The following SCFD2 variants were observed in gnomAD, a reference collection of about 807,000 sequenced individuals.
The protein encoded by SCFD2 is sec1 family domain-containing protein 2.
Under a neutral mutation model 58.9 loss-of-function variants are expected in SCFD2, and 54 were observed. That is an observed-to-expected ratio of 0.92 (90% CI 0.74 to 1.15). SCFD2 has a LOEUF of 1.15. SCFD2 is among the 50% of genes most tolerant of loss of function. The pLI, the probability that SCFD2 is intolerant of heterozygous loss-of-function variation, is 0.00. For synonymous variants in SCFD2, 321 were observed against 335.9 expected, an observed-to-expected ratio of 0.96 and a Z score of 0.49; for missense variants, 805 against 836.6, an observed-to-expected ratio of 0.96 and a Z score of 0.47.
intron 4 of SCFD2, among the ~76,000 whole-genome samples, chr4:53,224,368 A>C (rs1235686293): frequency 1.4e-5 from 2 of 147,030 alleles, no homozygotes; most frequent in African/African-American, 5.1e-5. Context: ...CAGCCTGGGC[A>C]ACAGAGCAAG....
intron 3 of SCFD2, among the ~76,000 whole-genome samples, chr4:53,294,701 T>C (rs991367702): frequency 7.2e-5 from 11 of 152,224 alleles, no homozygotes; most frequent in African/African-American, 2.7e-4. Context: ...GTTTTAGACA[T>C]GAAGTCTTTG....
chr4:52,975,930 A>T (rs1247447999), intron 5 of SCFD2, among the ~76,000 whole-genome samples: 1 of 150,156 alleles, frequency 6.7e-6, no homozygotes, highest in Non-Finnish European at 1.5e-5. Flanking sequence ...AGGACAAAAA[A>T]CCAAACACCA....
Position 53,258,912 on chromosome 4 carries a change from C to A in SCFD2, c.1311+14914G>T, listed in dbSNP as rs546050881. ...CTATTTTTTTATTTTTTTATTATGG[C>A]CATTCTTGCAGGAGTAAGATGGTAT... On this transcript the variant is annotated intron_variant, in intron 4 of 8. Coordinates refer to ENST00000401642, the MANE Select transcript of SCFD2 (RefSeq NM_152540.4). Among the ~76,000 whole-genome samples the A allele has an allele frequency of 1.9e-3, 286 of 152,128 alleles. 1 individual carries two copies. The highest frequency in any genetic ancestry group is 3.4e-3 in the Middle Eastern group (1 of 294).
chr4:52,978,312 G>T (rs886074674), intron 5 of SCFD2, among the ~76,000 whole-genome samples: 6 of 152,086 alleles, frequency 3.9e-5, no homozygotes, highest in Non-Finnish European at 8.8e-5. Flanking sequence ...CAGGATGCTG[G>T]CCCTGTTCTC....
intron 5 of SCFD2, among the ~76,000 whole-genome samples, chr4:52,978,566 T>C (rs1449161653): frequency 1.3e-5 from 2 of 152,188 alleles, no homozygotes; most frequent in African/African-American, 4.8e-5. Flanking sequence ...TATAAAATAA[T>C]ACAGATGGTT....
At chr4:52,899,768 C>T (rs975018351) in intron 7 of SCFD2, among the ~76,000 whole-genome samples, 33 of 152,186 alleles carry the variant, frequency 2.2e-4, no homozygotes, top group Non-Finnish European at 3.8e-4. Flanking sequence ...TCCATTCTTC[C>T]CGTCACTTTC....
chr4:53,248,464 G>A (rs1730201421), intron 4 of SCFD2, among the ~76,000 whole-genome samples: 1 of 152,212 alleles, frequency 6.6e-6, no homozygotes, highest in Non-Finnish European at 1.5e-5. Context: ...TCCACCTCTA[G>A]GGGCAGGGCA....
At chr4:53,199,477 A>G (rs1015446971) in intron 4 of SCFD2, among the ~76,000 whole-genome samples, 1 of 152,082 alleles carries the variant, frequency 6.6e-6, no homozygotes, top group Admixed American at 6.6e-5. Flanking sequence ...CTGAGTGATA[A>G]GAGTATCATT....
chr4:52,967,460 T>C (rs532686320), intron 5 of SCFD2, among the ~76,000 whole-genome samples: 1 of 152,220 alleles, frequency 6.6e-6, no homozygotes, highest in Non-Finnish European at 1.5e-5. Flanking sequence ...CCCCATGAAG[T>C]AGGTACTAAT....
At chr4:53,233,776 C>A (rs1729511338) in intron 4 of SCFD2, among the ~76,000 whole-genome samples, 1 of 152,048 alleles carries the variant, frequency 6.6e-6, no homozygotes, top group African/African-American at 2.4e-5. Context: ...GGGAGAAGAA[C>A]TACATTAAAA....
intron 4 of SCFD2, among the ~76,000 whole-genome samples, chr4:53,183,198 C>G (rs1266083934): frequency 6.6e-6 from 1 of 152,134 alleles, no homozygotes; most frequent in Non-Finnish European, 1.5e-5. Flanking sequence ...AAGACACACG[C>G]ACACGTATGT....
At chr4:53,174,795 TA>T (rs907052853) in intron 4 of SCFD2, among the ~76,000 whole-genome samples, 1 of 152,168 alleles carries the variant, frequency 6.6e-6, no homozygotes, top group Non-Finnish European at 1.5e-5. Flanking sequence ...TATGAAGCAG[TA>T]AGTCTTCATA....
At chr4:53,206,479 T>C (rs1461993027) in intron 4 of SCFD2, among the ~76,000 whole-genome samples, 4 of 152,078 alleles carry the variant, frequency 2.6e-5, no homozygotes, top group Middle Eastern at 6.3e-3. Flanking sequence ...GAAAGAACTA[T>C]GACTGTTTAC....
chr4:52,933,658 A>T (rs1720056662), intron 5 of SCFD2, among the ~76,000 whole-genome samples: 2 of 152,190 alleles, frequency 1.3e-5, no homozygotes, highest in African/African-American at 4.8e-5. Context: ...TGCACTGGAC[A>T]GCTGAGAAGG....
chr4:53,247,730 G>A lies in SCFD2; in HGVS notation c.1311+26096C>T, dbSNP rs546595017. The stretch of plus-strand genomic sequence containing the variant: ...CAAAAAATTAGCCGGGCGCGGTGGC[G>A]GGCGCCTGTAGTCCCAGCTACTCGG... On this transcript the variant is annotated intron_variant, in intron 4 of 8. Transcript: ENST00000401642. 8.8e-3 allele frequency among the ~76,000 whole-genome samples: 1,308 copies of A among 149,088 alleles called. 11 individuals carry two copies. Among genetic ancestry groups the A allele is most frequent in the Middle Eastern group, 0.031 (9 of 292 alleles).
intron 4 of SCFD2, among the ~76,000 whole-genome samples, chr4:53,257,869 T>C (rs1054017119): frequency 1.3e-5 from 2 of 152,078 alleles, no homozygotes; most frequent in Non-Finnish European, 2.9e-5. Flanking sequence ...CATGCTCTCT[T>C]TTTTAAAAAA....
chr4:53,080,774 AC>A (rs1330948082), intron 5 of SCFD2, among the ~76,000 whole-genome samples: 1 of 152,212 alleles, frequency 6.6e-6, no homozygotes, highest in East Asian at 1.9e-4. Flanking sequence ...TAAACATAGC[AC>A]TGGGGATGCA....
chr4:52,877,522 C>A (rs536702254), intron 8 of SCFD2, among the ~76,000 whole-genome samples: 1 of 152,274 alleles, frequency 6.6e-6, no homozygotes. Flanking sequence ...CCACACTGAG[C>A]CTCAATTTCT....
chr4:53,119,317 CAA>C (rs59614870), intron 5 of SCFD2, among the ~76,000 whole-genome samples: 71 of 135,460 alleles, frequency 5.2e-4, no homozygotes, highest in Middle Eastern at 3.7e-3. Context: ...GACTCCATCT[CAA>C]AAAAAAAAAA....
Sources: allele counts gnomAD v4.1 joint callset (sites outside exome capture counted in the v4.1 genomes callset), GRCh38; gene constraint gnomAD v4.1.1; transcripts MANE v1.5; gene names NCBI Gene and HGNC (gene_info 2026-07-23, HGNC 2026-07-21).